NHSL1: variants seen among roughly 807,000 people sequenced by gnomAD.
NHSL1 encodes NHS like 1, also known as NHS-like protein 1.
Under a neutral mutation model 95.0 loss-of-function variants are expected in NHSL1, and 48 were observed. That is an observed-to-expected ratio of 0.51 (90% CI 0.40 to 0.64). The LOEUF is 0.64. Ranked by LOEUF, NHSL1 falls within the 30% of genes least tolerant of loss-of-function variation. The pLI is 0.00. For synonymous variants in NHSL1, 783 were observed against 833.9 expected, an observed-to-expected ratio of 0.94 and a Z score of 1.05; for missense variants, 1,971 against 2,077.7, an observed-to-expected ratio of 0.95 and a Z score of 1.00.
At chr6:138,587,276 C>T (rs1784149292) in intron 1 of NHSL1, among the ~76,000 whole-genome samples, 1 of 151,384 alleles carries the variant, frequency 6.6e-6, no homozygotes, top group Non-Finnish European at 1.5e-5. Context: ...CCTGGAGGCA[C>T]TTGTGTTTTT....
intron 1 of NHSL1, among the ~76,000 whole-genome samples, chr6:138,624,330 T>C (rs1035166597): frequency 3.3e-5 from 5 of 152,080 alleles, no homozygotes; most frequent in East Asian, 1.9e-4. Context: ...ATGGACCACA[T>C]TTTGAAAAGC....
At chr6:138,478,470 G>T (rs1311859631) in intron 2 of NHSL1, among the ~76,000 whole-genome samples, 1 of 151,990 alleles carries the variant, frequency 6.6e-6, no homozygotes, top group Non-Finnish European at 1.5e-5. Context: ...AGGAAATTCA[G>T]AAAATTCTCC....
intron 2 of NHSL1, among the ~76,000 whole-genome samples, chr6:138,494,852 T>G (rs566017386): frequency 5.3e-5 from 8 of 152,346 alleles, no homozygotes; most frequent in African/African-American, 1.9e-4. Context: ...AAAAAGTCTC[T>G]GAATTTTACA....
chr6:138,456,304 C>T (rs141490195), intron 3 of NHSL1, among the ~76,000 whole-genome samples: 1 of 152,306 alleles, frequency 6.6e-6, no homozygotes, highest in Non-Finnish European at 1.5e-5. Context: ...GGTGGAAAAG[C>T]TGCCCCAAAC....
At chr6:138,662,915 C>A (rs1785244479) in intron 1 of NHSL1, among the ~76,000 whole-genome samples, 1 of 151,262 alleles carries the variant, frequency 6.6e-6, no homozygotes, top group African/African-American at 2.4e-5. Context: ...TTCTGGAGGC[C>A]ACTTAGGTAA....
chr6:138,574,987 C>T (rs934592002), upstream of NHSL1, among the ~76,000 whole-genome samples: 4 of 152,184 alleles, frequency 2.6e-5, no homozygotes, highest in African/African-American at 9.7e-5. Context: ...ACAACCTCTG[C>T]CTCTCGGGTT....
At chr6:138,575,631 A>G (rs1456061018), upstream of NHSL1, among the ~76,000 whole-genome samples, 1 of 152,216 alleles carries the variant, frequency 6.6e-6, no homozygotes, top group Non-Finnish European at 1.5e-5. Context: ...CTACTTTTAC[A>G]ACTGGATCAG....
At chr6:138,623,086 C>G (rs1784686747) in intron 1 of NHSL1, among the ~76,000 whole-genome samples, 1 of 152,252 alleles carries the variant, frequency 6.6e-6, no homozygotes, top group Non-Finnish European at 1.5e-5. Context: ...ATGAAGTCAC[C>G]AAGGATGTTG....
intron 1 of NHSL1, among the ~76,000 whole-genome samples, chr6:138,569,623 A>G (rs1249939064): frequency 6.6e-6 from 1 of 152,198 alleles, no homozygotes; most frequent in Admixed American, 6.5e-5. Context: ...TTTTTCTTGA[A>G]GACTTTTCCT....
In NHSL1 at chr6:138,676,686, GCT is replaced by G. The variant is rs552124056; in HGVS notation, c.96+15788_96+15789del. On this transcript the variant is annotated intron_variant, in intron 1 of 3. Transcript: ENST00000491526. ...TGTTTGTTTTTTGAGACTGAGTCTA[GCT>G]CTGTCACCCAGGCTAGAGTGCAGCA... is the stretch of plus-strand genomic sequence containing the variant. Among the ~76,000 whole-genome samples the G allele has an allele frequency of 3.8e-3, 575 of 152,258 alleles. 2 individuals are homozygous for G. The highest frequency in any genetic ancestry group is 5.5e-3 in the Non-Finnish European group (376 of 68,012).
Position 138,430,125 on chromosome 6 carries a change from A to G in NHSL1, c.3952+268T>C, listed in dbSNP as rs187083808. Among the ~76,000 whole-genome samples the G allele has an allele frequency of 1.3e-5, 2 of 152,212 alleles. No homozygotes were observed. Among genetic ancestry groups the G allele is most frequent in the African/African-American group, 2.4e-5 (1 of 41,532 alleles). On this transcript the variant is annotated intron_variant, in intron 6 of 7. Transcript: ENST00000343505. This position sits in a 1 kb window ranked among gnomAD's most constrained non-coding sequence, Gnocchi z 4.7. ...GCTCTTCGGAAGGGAGGTGTTACCCATTGCTATTTAATACCCAGCCTGCTG... is the reference window on the plus strand; with the variant it reads ...GCTCTTCGGAAGGGAGGTGTTACCCGTTGCTATTTAATACCCAGCCTGCTG...
chr6:138,640,703 GGT>G (rs1784948705), intron 1 of NHSL1, among the ~76,000 whole-genome samples: 1 of 152,204 alleles, frequency 6.6e-6, no homozygotes, highest in South Asian at 2.1e-4. Flanking sequence ...GTCAACAGAA[GGT>G]CATTAGTAGC....
At chr6:138,568,970 T>A (rs923563365) in intron 1 of NHSL1, among the ~76,000 whole-genome samples, 1 of 152,186 alleles carries the variant, frequency 6.6e-6, no homozygotes, top group Non-Finnish European at 1.5e-5. Flanking sequence ...ACCTTCTGTT[T>A]CAGAAATTGA....
At chr6:138,609,490 C>A (rs1784478809) in intron 1 of NHSL1, among the ~76,000 whole-genome samples, 3 of 152,092 alleles carry the variant, frequency 2.0e-5, no homozygotes, top group African/African-American at 7.2e-5. Flanking sequence ...GTGGCTCATG[C>A]CTGTAATCCC....
rs1175899390 is a variant in NHSL1 at position 138,424,688 on chromosome 6, A to G, written c.4214T>C (p.Ile1405Thr). Residue 1405 changes from isoleucine (I) to threonine (T), a missense_variant, in exon 8 of 8, where the codon ATT becomes ACT. Ile to Thr is a moderately conservative substitution (Grantham distance 89). Coordinates refer to ENST00000343505, the MANE Select transcript of NHSL1 (RefSeq NM_001144060.2). This position sits in a 1 kb window ranked among gnomAD's most constrained non-coding sequence, Gnocchi z 5.9. ...SLASPKQVGS[I>T]QRSIRKSSTS... is the part of the protein sequence containing the mutation. ...GCTGCTCTTTCGGATGCTTCTCTGA[A>G]TCGACCCCACTTGCTTTGGAGAGGC... The G allele has an allele frequency of 1.3e-6, 2 of 1,551,514 alleles. No homozygotes were observed. Among genetic ancestry groups the G allele is most frequent in the East Asian group, 4.9e-5 (2 of 40,910 alleles).
rs77184643 is a variant in NHSL1 at position 138,490,498 on chromosome 6, T to C, written c.211+5721A>G. Among the ~76,000 whole-genome samples, 18 of 152,282 alleles carry C rather than the reference T, an allele frequency of 1.2e-4. No individual in the cohort carries two copies. The East Asian group carries it at 3.5e-3, about 29-fold the overall frequency. On this transcript the variant is annotated intron_variant, in intron 2 of 7. Coordinates refer to ENST00000343505, the MANE Select transcript of NHSL1 (RefSeq NM_001144060.2). ...CTCTCCCAAGACAAACATACTTGTC[T>C]ACACCAAAAGGGAGCTAGGAGGCTT...
chr6:138,448,790 C>T lies in NHSL1; in HGVS notation c.340-1597G>A, dbSNP rs550609972. Among the ~76,000 whole-genome samples the T allele has an allele frequency of 2.0e-4, 30 of 152,284 alleles. 1 individual carries two copies. In the East Asian group the frequency reaches 3.1e-3, roughly 16 times the overall value. ...ATTTTAGGCCAGGCACGATGGCTCA[C>T]GCCTGTAATCCCAGCACCCTGGGAG... On this transcript the variant is annotated intron_variant, in intron 3 of 7. Transcript: ENST00000343505.
intron 1 of NHSL1, among the ~76,000 whole-genome samples, chr6:138,533,440 C>T (rs1452979694): frequency 1.3e-5 from 2 of 151,978 alleles, no homozygotes; most frequent in African/African-American, 2.4e-5. Context: ...CCCAGCTACT[C>T]GGGAGGCTGA....
intron 3 of NHSL1, among the ~76,000 whole-genome samples, chr6:138,454,875 G>A (rs531047493): frequency 5.1e-4 from 77 of 152,294 alleles, no homozygotes; most frequent in African/African-American, 1.6e-3. Context: ...AGTCCCTGGC[G>A]CCTGAGCCTT....
Sources: allele counts gnomAD v4.1 joint callset (sites outside exome capture counted in the v4.1 genomes callset), GRCh38; gene constraint gnomAD v4.1.1; non-coding constraint Gnocchi (gnomAD v3.1); transcripts MANE v1.5; gene names NCBI Gene and HGNC (gene_info 2026-07-23, HGNC 2026-07-21).